PLXDC2: variants seen among roughly 807,000 people sequenced by gnomAD.
PLXDC2 encodes the protein plexin domain-containing protein 2.
A neutral mutation model predicts 68.9 loss-of-function variants in PLXDC2; 40 were observed. The observed-to-expected ratio is 0.58, with a 90% confidence interval of 0.45 to 0.76. The LOEUF (loss-of-function observed/expected upper bound fraction) is 0.76. Ranked by LOEUF, PLXDC2 falls within the 30% of genes least tolerant of loss-of-function variation. The pLI, the probability that PLXDC2 is intolerant of heterozygous loss-of-function variation, is 0.00. For synonymous variants in PLXDC2, 243 were observed against 234.2 expected (o/e 1.04, Z -0.34); for missense variants, 644 against 661.9 (o/e 0.97, Z 0.30).
intron 4 of PLXDC2, among the ~76,000 whole-genome samples, chr10:20,129,594 A>G (rs932866260): frequency 1.7e-5 from 2 of 115,892 alleles, no homozygotes; most frequent in African/African-American, 5.6e-5. Flanking sequence ...GCCCAGATCA[A>G]TGTCAGGAAA....
chr10:20,065,894 T>A (rs1025983072), intron 3 of PLXDC2, among the ~76,000 whole-genome samples: 2 of 152,220 alleles, frequency 1.3e-5, no homozygotes, highest in Non-Finnish European at 1.5e-5. Context: ...CCTGCTGCTG[T>A]GTAGCCCAGT....
chr10:20,001,266 C>T (rs1292578659), intron 1 of PLXDC2, among the ~76,000 whole-genome samples: 2 of 152,204 alleles, frequency 1.3e-5, no homozygotes, highest in African/African-American at 4.8e-5. Flanking sequence ...TACACGAAGA[C>T]AATTTCATGT....
At chr10:20,111,482 A>C (rs1833559397) in intron 4 of PLXDC2, among the ~76,000 whole-genome samples, 1 of 152,244 alleles carries the variant, frequency 6.6e-6, no homozygotes, top group South Asian at 2.1e-4. Flanking sequence ...TCCTTGGACC[A>C]TAGGTGTTCT....
chr10:20,245,428 A>G lies in PLXDC2; in HGVS notation c.1396A>G (p.Ile466Val). 6.2e-7 allele frequency: 1 copy of G among 1,613,856 alleles called. No individual in the cohort carries two copies. Among genetic ancestry groups the G allele is most frequent in the South Asian group, 1.1e-5 (1 of 91,058 alleles). ...LIIGILILVL[I>V]VATAILVTVY... ...CATTGGAATCCTCATCCTGGTCCTCATTGTAGCCACAGCCATTCTTGTGAC... is the reference window on the plus strand; with the variant it reads ...CATTGGAATCCTCATCCTGGTCCTCGTTGTAGCCACAGCCATTCTTGTGAC... Residue 466 changes from isoleucine (I) to valine (V), a missense_variant, in exon 13 of 14, where the codon ATT (isoleucine) becomes GTT (valine). Ile to Val is a conservative substitution (Grantham distance 29). Transcript: ENST00000377252.
intron 5 of PLXDC2, among the ~76,000 whole-genome samples, chr10:20,144,903 T>C (rs1834052850): frequency 6.6e-6 from 1 of 152,200 alleles, no homozygotes; most frequent in South Asian, 2.1e-4. Flanking sequence ...TTCATATATT[T>C]TCATATACCT....
At chr10:19,974,773 A>T (rs1251778604) in intron 1 of PLXDC2, among the ~76,000 whole-genome samples, 2 of 152,204 alleles carry the variant, frequency 1.3e-5, no homozygotes, top group Admixed American at 6.5e-5. Flanking sequence ...ATTTCAGTTA[A>T]ATAAATAAGT....
intron 9 of PLXDC2, among the ~76,000 whole-genome samples, chr10:20,198,057 G>C (rs1048198258): frequency 8.5e-5 from 13 of 152,142 alleles, no homozygotes; most frequent in Admixed American, 7.2e-4. Context: ...GGTGGGTGCT[G>C]TAACCTTGAT....
chr10:20,057,000 G>C (rs548483581), intron 3 of PLXDC2, among the ~76,000 whole-genome samples: 2 of 152,170 alleles, frequency 1.3e-5, no homozygotes, highest in African/African-American at 4.8e-5. Flanking sequence ...CCATGTCTCA[G>C]GTGCAATAAA....
intron 13 of PLXDC2, among the ~76,000 whole-genome samples, chr10:20,268,771 C>T (rs1835900770): frequency 6.6e-6 from 1 of 152,284 alleles, no homozygotes; most frequent in Admixed American, 6.5e-5. Flanking sequence ...AACTCACATT[C>T]AACTTTCATT....
chr10:20,068,529 G>T (rs1836257858), intron 4 of PLXDC2, among the ~76,000 whole-genome samples: 1 of 150,768 alleles, frequency 6.6e-6, no homozygotes, highest in Admixed American at 6.6e-5. Context: ...GCAGAAATTG[G>T]AATAGAGATA....
At chr10:20,164,104 A>G (rs767404513) in intron 6 of PLXDC2, among the ~76,000 whole-genome samples, 1 of 152,208 alleles carries the variant, frequency 6.6e-6, no homozygotes, top group Non-Finnish European at 1.5e-5. Context: ...CAGAAAACAA[A>G]TAGTAAGAGG....
At position 19,834,329 on chromosome 10, in the gene PLXDC2, T is replaced by TAG. The variant is rs72293743; in HGVS notation, c.112+17163_112+17164dup. Among the ~76,000 whole-genome samples, 647 of 145,298 alleles carry TAG rather than the reference T, an allele frequency of 4.5e-3. 6 individuals are homozygous for TAG. Among genetic ancestry groups the TAG allele is most frequent in the African/African-American group, 8.6e-3 (341 of 39,624 alleles). ...ACAAAATCACAGAGAAAGAGAGAGG[T>TAG]AGAGAGAGAGAGAGAGAGAGAGAGA... On this transcript the variant is annotated intron_variant, in intron 1 of 13. Coordinates refer to ENST00000377252, the MANE Select transcript of PLXDC2 (RefSeq NM_032812.9).
chr10:20,282,888 A>G lies in PLXDC2; in HGVS notation c.*3069A>G, dbSNP rs191359251. ...TGCCAATCTCTTATATGTAGCTTCT[A>G]GAGTTGTGCTGTCCAATATTATATC... On this transcript the variant is annotated 3_prime_UTR_variant, in exon 14 of 14. Coordinates refer to ENST00000377252, the MANE Select transcript of PLXDC2 (RefSeq NM_032812.9). 8 of 152,350 alleles carry G rather than the reference A, an allele frequency of 5.3e-5. No individual in the cohort carries two copies. The highest frequency in any genetic ancestry group is 5.2e-4 in the Admixed American group (8 of 15,296). The allele number at this position is 152,350 out of a possible 1,614,324, so 9.4% of individuals were successfully genotyped here.
chr10:19,964,436 A>T (rs917931403), intron 1 of PLXDC2, among the ~76,000 whole-genome samples: 8 of 152,150 alleles, frequency 5.3e-5, no homozygotes, highest in Non-Finnish European at 1.2e-4. Flanking sequence ...TGCATAATAT[A>T]CTAAATAGCT....
At chr10:20,019,166 G>A (rs983278856) in intron 2 of PLXDC2, among the ~76,000 whole-genome samples, 2 of 105,088 alleles carry the variant, frequency 1.9e-5, no homozygotes, top group Non-Finnish European at 4.3e-5. Flanking sequence ...AAAAAAGAAT[G>A]AAAACCAAAT....
chr10:20,082,055 A>C lies in PLXDC2; in HGVS notation c.541+13816A>C, dbSNP rs1487418660. On this transcript the variant is annotated intron_variant, in intron 4 of 13. Coordinates refer to ENST00000377252, the MANE Select transcript of PLXDC2 (RefSeq NM_032812.9). ...AGTGAAACTCCATCTGAAAAAAAAA[A>C]AAAAAAATCAAAAAAAAAAAACAGG... Among the ~76,000 whole-genome samples the C allele has an allele frequency of 8.4e-5, 12 of 142,182 alleles. 1 individual carries two copies. Among genetic ancestry groups the C allele is most frequent in the Admixed American group, 2.8e-4 (4 of 14,210 alleles). 93.3% of individuals were successfully genotyped at this position (142,182 alleles called of 152,430 possible). A position where few individuals can be genotyped will look rare whatever the true frequency, so the allele number is the denominator to read the frequency against.
At chr10:20,005,137 A>C (rs1345105104) in intron 2 of PLXDC2, among the ~76,000 whole-genome samples, 1 of 152,202 alleles carries the variant, frequency 6.6e-6, no homozygotes, top group Non-Finnish European at 1.5e-5. Flanking sequence ...CCAGGCTTAC[A>C]GGGTTGATCC....
chr10:19,992,856 C>G (rs1490897206), intron 1 of PLXDC2, among the ~76,000 whole-genome samples: 1 of 152,080 alleles, frequency 6.6e-6, no homozygotes, highest in Non-Finnish European at 1.5e-5. Context: ...TTTTAAATAG[C>G]CCACTTTGCT....
At chr10:20,191,039 G>A (rs923649870) in intron 9 of PLXDC2, among the ~76,000 whole-genome samples, 2 of 151,864 alleles carry the variant, frequency 1.3e-5, no homozygotes, top group African/African-American at 4.8e-5. Context: ...AGTTTTGAAG[G>A]AAATTATGTG....
Sources: gnomAD v4.1 joint callset for allele counts (sites outside exome capture counted in the v4.1 genomes callset) on GRCh38, gnomAD v4.1.1 for gene constraint, MANE v1.5 for transcripts, NCBI Gene and HGNC (gene_info 2026-07-23, HGNC 2026-07-21) for gene names.